The following PROKR2 variants were observed in gnomAD, a reference collection of about 807,000 sequenced individuals.
PROKR2 encodes the protein prokineticin receptor 2.
A neutral mutation model predicts 23.4 loss-of-function variants in PROKR2; 26 were observed. The observed-to-expected ratio is 1.11, with a 90% CI of 0.81 to 1.54. The LOEUF (loss-of-function observed/expected upper bound fraction) is 1.54. Ranked by LOEUF, PROKR2 falls within the 40% of genes most tolerant of loss-of-function variation. PROKR2 has a pLI of 0.00. For synonymous variants in PROKR2, 212 were observed against 201.2 expected (o/e 1.05, Z -0.45); for missense variants, 453 against 511.5 (o/e 0.89, Z 1.10).
Position 5,302,353 on chromosome 20 carries a change from A to G in PROKR2, c.842T>C (p.Leu281Pro). ...TGCCCAGCACAGCACATAGGCCGTG[A>G]GAATGCACATGAGCACCAGGACCGT... ...RKTVLVLMCI[L>P]TAYVLCWAPF... The change falls in exon 3 of 3, where the codon CTC becomes CCC. Residue 281 changes from leucine to proline, a missense_variant. Coordinates refer to ENST00000678254, the MANE Select transcript of PROKR2 (RefSeq NM_144773.4). The G allele has an allele frequency of 6.2e-7, 1 of 1,614,258 alleles. No individual in the cohort carries two copies. Among genetic ancestry groups the G allele is most frequent in the Non-Finnish European group, 8.5e-7 (1 of 1,180,046 alleles).
chr20:5,302,425 C>A lies in PROKR2; in HGVS notation c.770G>T (p.Gly257Val). Reference sequence around the variant, plus strand: ...CTTGCGAATCTGCTCCGTCTGGAACCCAGGGACTGCCTTGAACCAGAGCTC... The same window carrying A: ...CTTGCGAATCTGCTCCGTCTGGAACACAGGGACTGCCTTGAACCAGAGCTC... ...SRELWFKAVP[G>V]FQTEQIRKRL... The change falls in exon 3 of 3, where the codon GGG (glycine) becomes GTG (valine). Residue 257 changes from glycine (G) to valine (V), a missense_variant. Transcript: ENST00000678254. 24 of 1,614,202 alleles carry A rather than the reference C, an allele frequency of 1.5e-5. No homozygotes were observed. Among genetic ancestry groups the A allele is most frequent in the Non-Finnish European group, 1.9e-5 (23 of 1,180,036 alleles).
intron 2 of PROKR2, among the ~76,000 whole-genome samples, chr20:5,306,851 A>T (rs1010285879): frequency 3.3e-5 from 5 of 152,252 alleles, no homozygotes; most frequent in Admixed American, 3.3e-4. Flanking sequence ...GCCTGCCCAA[A>T]GGCCAGATGT....
intron 2 of PROKR2, among the ~76,000 whole-genome samples, chr20:5,312,037 T>C (rs1043630953): frequency 6.6e-6 from 1 of 152,204 alleles, no homozygotes; most frequent in African/African-American, 2.4e-5. Flanking sequence ...AGGAATTAGA[T>C]AAAAATGCAG....
At position 5,316,235 on chromosome 20, in the gene PROKR2, C is replaced by T; in HGVS notation, c.-9+259G>A. 2.2e-6 allele frequency: 1 copy of T among 456,676 alleles called. No homozygotes were observed. The highest frequency in any genetic ancestry group is 4.4e-6 in the Non-Finnish European group (1 of 226,954). 28.3% of individuals were successfully genotyped at this position (456,676 alleles called of 1,614,324 possible). On this transcript the variant is annotated intron_variant, in intron 1 of 2. Transcript: ENST00000678254. The surrounding 1 kb of genome is among the most constrained non-coding windows in gnomAD (Gnocchi z 5.0). The stretch of plus-strand genomic sequence containing the variant: ...ATTTGGAGCTCGTCCGCGAGCTCAG[C>T]TACCCGCTGGCTCCCTCTGCCCGCG...
chr20:5,316,835 C>A lies in PROKR2; in HGVS notation c.-350G>T, dbSNP rs1979700608. ...TGGATGCCCAGCTCCCCCACCCCAC[C>A]GCGTGCTCTCGGGCTGGTGCGTCCA... On this transcript the variant is annotated 5_prime_UTR_variant, in exon 1 of 3. Transcript: ENST00000678254. The surrounding 1 kb of genome is among the most constrained non-coding windows in gnomAD (Gnocchi z 5.0). Among the ~76,000 whole-genome samples the A allele has an allele frequency of 6.6e-6, 1 of 152,260 alleles. No homozygotes were observed. The highest frequency in any genetic ancestry group is 2.4e-5 in the African/African-American group (1 of 41,468).
chr20:5,308,809 TGTCA>T (rs1979325486), intron 2 of PROKR2, among the ~76,000 whole-genome samples: 1 of 152,242 alleles, frequency 6.6e-6, no homozygotes, highest in Non-Finnish European at 1.5e-5. Flanking sequence ...GAAGGCCTTC[TGTCA>T]TGTTATTTCT....
At position 5,314,076 on chromosome 20, in the gene PROKR2, G is replaced by A. The variant is rs146061254; in HGVS notation, c.294C>T (p.Ser98=). The part of the protein sequence containing the change: ...TNLLIANLAI[S]DFLVAIICCP... ...AGCAGATGATGGCCACCAGGAAGTC[G>A]GAGATGGCCAGGTTGGCAATGAGCA... The change falls in exon 2 of 3, where the codon TCC becomes TCT. Residue 98 remains serine (S), a synonymous_variant. Coordinates refer to ENST00000678254, the MANE Select transcript of PROKR2 (RefSeq NM_144773.4). The A allele has an allele frequency of 1.5e-5, 25 of 1,614,094 alleles. 1 individual carries two copies. The highest frequency in any genetic ancestry group is 1.1e-4 in the South Asian group (10 of 91,086).
In PROKR2 at chr20:5,314,317, T is replaced by G. The variant is rs1327524485; in HGVS notation, c.53A>C (p.Gln18Pro). The G allele has an allele frequency of 6.2e-7, 1 of 1,614,102 alleles. No individual in the cohort carries two copies. The highest frequency in any genetic ancestry group is 2.2e-5 in the East Asian group (1 of 44,886). The change falls in exon 2 of 3, where the codon CAA becomes CCA. Residue 18 changes from glutamine (Q) to proline (P), a missense_variant. Coordinates refer to ENST00000678254, the MANE Select transcript of PROKR2 (RefSeq NM_144773.4). The stretch of plus-strand genomic sequence containing the variant: ...AAAGGAGAGGGAGGAGGCATGGTCT[T>G]GGGGTGGATTAAAGTTGGGTGTGAA... Reference protein sequence around the residue: ...TSFTPNFNPPQDHASSLSFNF... With the variant: ...TSFTPNFNPPPDHASSLSFNF...
chr20:5,316,848 G>T lies in PROKR2; in HGVS notation c.-363C>A, dbSNP rs1218786000. ...CCCCCACCCCACCGCGTGCTCTCGG[G>T]CTGGTGCGTCCAGGGCGCGGGCACC... On this transcript the variant is annotated 5_prime_UTR_variant, in exon 1 of 3. Transcript: ENST00000678254. The surrounding 1 kb of genome is among the most constrained non-coding windows in gnomAD (Gnocchi z 5.0). Among the ~76,000 whole-genome samples, 1 of 152,258 alleles carries T rather than the reference G, an allele frequency of 6.6e-6. No homozygotes were observed. The highest frequency in any genetic ancestry group is 6.5e-5 in the Admixed American group (1 of 15,294).
Position 5,316,210 on chromosome 20 carries a change from A to G in PROKR2, c.-9+284T>C, listed in dbSNP as rs1195053945. On this transcript the variant is annotated intron_variant, in intron 1 of 2. Transcript: ENST00000678254. This position sits in a 1 kb window ranked among gnomAD's most constrained non-coding sequence, Gnocchi z 5.0. ...CCCTCTACCTGCACCCTCCCCTGCA[A>G]TTTGGAGCTCGTCCGCGAGCTCAGC... 1 of 456,442 alleles carries G rather than the reference A, an allele frequency of 2.2e-6. No individual in the cohort carries two copies. The highest frequency in any genetic ancestry group is 4.4e-6 in the Non-Finnish European group (1 of 226,896). The allele number at this position is 456,442 out of a possible 1,614,324, so 28.3% of individuals were successfully genotyped here.
chr20:5,303,184 T>C (rs1252344401), intron 2 of PROKR2, among the ~76,000 whole-genome samples: 1 of 152,240 alleles, frequency 6.6e-6, no homozygotes, highest in Non-Finnish European at 1.5e-5. Flanking sequence ...TGGGTTTCCA[T>C]CTTGTCATTC....
At position 5,302,074 on chromosome 20, in the gene PROKR2, G is replaced by C. The variant is rs1210137443; in HGVS notation, c.1121C>G (p.Thr374Ser). The C allele has an allele frequency of 6.2e-7, 1 of 1,614,162 alleles. No homozygotes were observed. The highest frequency in any genetic ancestry group is 8.5e-7 in the Non-Finnish European group (1 of 1,180,018). Residue 374 changes from threonine (T) to serine (S), a missense_variant, in exon 3 of 3, where the codon ACC becomes AGC. Coordinates refer to ENST00000678254, the MANE Select transcript of PROKR2 (RefSeq NM_144773.4). ...DLDLRTNGVP[T>S]TEEVDCIRLK ...CCTGATACAGTCCACCTCTTCTGTG[G>C]TGGGCACCCCGTTGGTTCTGAGGTC...
At position 5,302,505 on chromosome 20, in the gene PROKR2, G is replaced by A. The variant is rs377074263; in HGVS notation, c.690C>T (p.Val230=). 1.8e-4 allele frequency: 287 copies of A among 1,614,198 alleles called. No homozygotes were observed. Among genetic ancestry groups the A allele is most frequent in the South Asian group, 5.7e-4 (52 of 91,082 alleles). ...YKSYFLFIFG[V]EFVGPVVTMT... The stretch of plus-strand genomic sequence containing the variant: ...TGGTGACCACAGGGCCCACGAACTC[G>A]ACACCAAAGATGAAGAGGAAGTAGG... Residue 230 remains valine, a synonymous_variant, in exon 3 of 3, where the codon GTC becomes GTT. Coordinates refer to ENST00000678254, the MANE Select transcript of PROKR2 (RefSeq NM_144773.4).
At position 5,316,086 on chromosome 20, in the gene PROKR2, C is replaced by T. The variant is rs915408804; in HGVS notation, c.-9+408G>A. 15 of 456,654 alleles carry T rather than the reference C, an allele frequency of 3.3e-5. No homozygotes were observed. The highest frequency in any genetic ancestry group is 6.6e-5 in the Non-Finnish European group (15 of 226,986). The allele number at this position is 456,654 out of a possible 1,614,324, so 28.3% of individuals were successfully genotyped here. A position where few individuals can be genotyped will look rare whatever the true frequency, so the allele number is the denominator to read the frequency against. On this transcript the variant is annotated intron_variant, in intron 1 of 2. Coordinates refer to ENST00000678254, the MANE Select transcript of PROKR2 (RefSeq NM_144773.4). This position sits in a 1 kb window ranked among gnomAD's most constrained non-coding sequence, Gnocchi z 5.0. ...GCTCTAGAAGCAAAGGCTGCGGTGCCTCCTGGCTGGAAGAAAACGGCGGGT... is the reference window on the plus strand; with the variant it reads ...GCTCTAGAAGCAAAGGCTGCGGTGCTTCCTGGCTGGAAGAAAACGGCGGGT...
Position 5,302,388 on chromosome 20 carries a change from G to T in PROKR2, c.807C>A (p.Cys269Ter), listed in dbSNP as rs1979028485. 6.2e-7 allele frequency: 1 copy of T among 1,614,232 alleles called. No homozygotes were observed. The highest frequency in any genetic ancestry group is 2.2e-5 in the East Asian group (1 of 44,878). ...TGAGCACCAGGACCGTCTTCCTGCG[G>T]CAGCGCAGCCGCTTGCGAATCTGCT... ...QTEQIRKRLRCRRKTVLVLMC... is the reference protein window; with the variant it reads ...QTEQIRKRLR Residue 269 changes from cysteine (C) to a stop codon, truncating the protein, a stop_gained, in exon 3 of 3, where the codon TGC becomes TGA. Transcript: ENST00000678254. LOFTEE classifies it high-confidence loss of function.
At chr20:5,305,469 A>G (rs908551840) in intron 2 of PROKR2, among the ~76,000 whole-genome samples, 2 of 152,244 alleles carry the variant, frequency 1.3e-5, no homozygotes, top group African/African-American at 4.8e-5. Flanking sequence ...TCAGATTACA[A>G]TAGGGAAATT....
chr20:5,313,857 G>T lies in PROKR2; in HGVS notation c.458+55C>A, dbSNP rs146884926. 6 of 1,437,288 alleles carry T rather than the reference G, an allele frequency of 4.2e-6. No homozygotes were observed. The African/African-American group carries it at 5.6e-5, about 13-fold the overall frequency. The allele number at this position is 1,437,288 out of a possible 1,614,324, so 89.0% of individuals were successfully genotyped here. A position where few individuals can be genotyped will look rare whatever the true frequency, so the allele number is the denominator to read the frequency against. On this transcript the variant is annotated intron_variant, in intron 2 of 2. Coordinates refer to ENST00000678254, the MANE Select transcript of PROKR2 (RefSeq NM_144773.4). ...AATGTCAGCCTGTCAGAGCCTAAAT[G>T]AGGAAAGAGACAGCCTGGCCCAGCC... is the stretch of plus-strand genomic sequence containing the variant.
intron 1 of PROKR2, 65 bp from the exon 2 acceptor site, chr20:5,314,442 G>T: frequency 2.3e-6 from 3 of 1,332,050 alleles, no homozygotes; most frequent in Non-Finnish European, 3.2e-6. Flanking sequence ...CTCTTTCAGG[G>T]TCAGTGAGCC....
intron 1 of PROKR2, chr20:5,315,918 C>T (rs1381577113): frequency 6.6e-6 from 3 of 456,294 alleles, no homozygotes; most frequent in African/African-American, 4.0e-5. Context: ...TGGGACAGGT[C>T]CCAGCCGCAT....
Sources: allele counts gnomAD v4.1 joint callset (sites outside exome capture counted in the v4.1 genomes callset), GRCh38; gene constraint gnomAD v4.1.1; non-coding constraint Gnocchi (gnomAD v3.1); transcripts MANE v1.5; gene names NCBI Gene and HGNC (gene_info 2026-07-23, HGNC 2026-07-21).